Variants in NEMP2 observed in about 807,000 individuals in gnomAD.
NEMP2 encodes UPF0571 transmembrane protein.
In NEMP2, 53 loss-of-function variants were observed where a neutral mutation model predicts 54.2. The ratio of observed to expected loss-of-function variants is 0.98; its 90% CI spans 0.78 to 1.23. NEMP2 has a LOEUF of 1.23. Ranked by LOEUF, NEMP2 falls within the 50% of genes most tolerant of loss-of-function variation. The pLI is 0.00. For missense variants in NEMP2, 455 were observed against 511.3 expected (o/e 0.89, Z 1.06); for synonymous variants, 197 against 190.3 (o/e 1.04, Z -0.29).
At chr2:190,435,228 TTCTCATCTG>T in the NEMP2 span, 1 of 152,246 alleles carries the variant, frequency 6.6e-6, no homozygotes, top group Non-Finnish European at 1.5e-5. Context: ...TGCCTCATTC[TTCTCATCTG>T]TAAAATGGAC....
At chr2:190,503,790 T>A (rs1049066064), downstream of NEMP2, among the ~76,000 whole-genome samples, 5 of 152,000 alleles carry the variant, frequency 3.3e-5, no homozygotes, top group African/African-American at 4.8e-5. The surrounding 1 kb of genome is among the most constrained non-coding windows in gnomAD (Gnocchi z 6.3). Context: ...GGTGCCTAGG[T>A]GGGGACAGAA....
At chr2:190,587,354 C>T in the NEMP2 span, among the ~76,000 whole-genome samples, 1 of 152,158 alleles carries the variant, frequency 6.6e-6, no homozygotes, top group Non-Finnish European at 1.5e-5. The surrounding 1 kb of genome is among the most constrained non-coding windows in gnomAD (Gnocchi z 5.4). Flanking sequence ...GATGATGTCA[C>T]CTGACCCTCT....
the NEMP2 span, among the ~76,000 whole-genome samples, chr2:190,479,229 T>G: frequency 9.8e-5 from 15 of 152,360 alleles, no homozygotes; most frequent in East Asian, 2.1e-3. Context: ...TTTCCCATGA[T>G]CTTTCTCATG....
chr2:190,530,277 G>A lies in NEMP2; in HGVS notation c.97+4282C>T, dbSNP rs1333781400. Among the ~76,000 whole-genome samples, 1 of 152,174 alleles carries A rather than the reference G, an allele frequency of 6.6e-6. No individual in the cohort carries two copies. The highest frequency in any genetic ancestry group is 6.5e-5 in the Admixed American group (1 of 15,280). On this transcript the variant is annotated intron_variant, in intron 1 of 8. Coordinates refer to ENST00000409150, the MANE Select transcript of NEMP2 (RefSeq NM_001142645.2). The surrounding 1 kb of genome is among the most constrained non-coding windows in gnomAD (Gnocchi z 4.6). ...CTCCAGAGTGGCCTCTGGCTTTTGA[G>A]GTGAAGCTGATGTGGAATTTACACA... is the stretch of plus-strand genomic sequence containing the variant.
chr2:190,497,383 T>A, the NEMP2 span: 4 of 1,559,194 alleles, frequency 2.6e-6, no homozygotes, highest in East Asian at 9.0e-5. This position sits in a 1 kb window ranked among gnomAD's most constrained non-coding sequence, Gnocchi z 5.2. Flanking sequence ...TTTTTACCTT[T>A]GTTCAAATAT....
At chr2:190,492,476 G>T in the NEMP2 span, among the ~76,000 whole-genome samples, 1 of 152,146 alleles carries the variant, frequency 6.6e-6, no homozygotes, top group Non-Finnish European at 1.5e-5. The surrounding 1 kb of genome is among the most constrained non-coding windows in gnomAD (Gnocchi z 5.2). Flanking sequence ...AGCTAGAAGG[G>T]ATTGAGGCCC....
At chr2:190,557,305 C>T in the NEMP2 span, among the ~76,000 whole-genome samples, 1 of 152,168 alleles carries the variant, frequency 6.6e-6, no homozygotes, top group African/African-American at 2.4e-5. Flanking sequence ...CCCTTCCTTA[C>T]ACCTTATAAA....
At chr2:190,634,065 C>A in the NEMP2 span, among the ~76,000 whole-genome samples, 6 of 152,110 alleles carry the variant, frequency 3.9e-5, no homozygotes, top group Non-Finnish European at 5.9e-5. This position sits in a 1 kb window ranked among gnomAD's most constrained non-coding sequence, Gnocchi z 6.8. Context: ...AAGCAAGATT[C>A]TGTGTCTTAA....
the NEMP2 span, among the ~76,000 whole-genome samples, chr2:190,616,186 TGAG>T: frequency 6.7e-6 from 1 of 149,456 alleles, no homozygotes; most frequent in Non-Finnish European, 1.5e-5. The surrounding 1 kb of genome is among the most constrained non-coding windows in gnomAD (Gnocchi z 5.1). Flanking sequence ...GTGGATGGAG[TGAG>T]GAGGGATGCT....
the NEMP2 span, chr2:190,648,593 A>G: frequency 6.9e-6 from 1 of 144,692 alleles, no homozygotes; most frequent in Non-Finnish European, 1.5e-5. Flanking sequence ...TTGAAATACT[A>G]TATCGGGAAC....
At chr2:190,500,651 A>G (rs1689982879), downstream of NEMP2, 1 of 156,462 alleles carries the variant, frequency 6.4e-6, no homozygotes, top group African/African-American at 2.4e-5. The surrounding 1 kb of genome is among the most constrained non-coding windows in gnomAD (Gnocchi z 5.3). Context: ...GATAGAATTC[A>G]TCTATACTTT....
chr2:190,618,506 C>T, the NEMP2 span, among the ~76,000 whole-genome samples: 14 of 152,148 alleles, frequency 9.2e-5, no homozygotes, highest in Admixed American at 8.5e-4. Context: ...TCCCGCTCTT[C>T]GACCAAAGAT....
At chr2:190,482,938 G>A in the NEMP2 span, among the ~76,000 whole-genome samples, 1 of 126,162 alleles carries the variant, frequency 7.9e-6, no homozygotes, top group Admixed American at 9.4e-5. Context: ...AGGCCGGACT[G>A]CGGACTGCAG....
downstream of NEMP2, chr2:190,499,764 A>G: frequency 7.0e-7 from 1 of 1,418,454 alleles, no homozygotes. This position sits in a 1 kb window ranked among gnomAD's most constrained non-coding sequence, Gnocchi z 6.0. Flanking sequence ...ACATTTTGGT[A>G]GTAATGTTCC....
At chr2:190,517,154 A>T (rs1451965945) in intron 5 of NEMP2, among the ~76,000 whole-genome samples, 2 of 151,806 alleles carry the variant, frequency 1.3e-5, no homozygotes, top group East Asian at 3.9e-4. Context: ...AAATTCCCAG[A>T]TGTAGCAGTG....
At chr2:190,544,690 A>C in the NEMP2 span, among the ~76,000 whole-genome samples, 1 of 152,188 alleles carries the variant, frequency 6.6e-6, no homozygotes, top group Non-Finnish European at 1.5e-5. Context: ...AAAATAGTAT[A>C]ATCAGTTAAT....
chr2:190,572,858 T>TAC, the NEMP2 span, among the ~76,000 whole-genome samples: 1 of 129,354 alleles, frequency 7.7e-6, no homozygotes, highest in Non-Finnish European at 1.6e-5. Context: ...TATATATATA[T>TAC]ATATATATAT....
chr2:190,568,493 T>C, the NEMP2 span, among the ~76,000 whole-genome samples: 1 of 152,172 alleles, frequency 6.6e-6, no homozygotes, highest in South Asian at 2.1e-4. The surrounding 1 kb of genome is among the most constrained non-coding windows in gnomAD (Gnocchi z 4.7). Context: ...ATGCCTCAGT[T>C]TTGAATAATA....
the NEMP2 span, among the ~76,000 whole-genome samples, chr2:190,633,797 A>T: frequency 2.0e-5 from 3 of 152,238 alleles, no homozygotes; most frequent in Admixed American, 6.5e-5. Context: ...AAGGCCAGGT[A>T]CTGTGGTTCA....
Sources: allele counts gnomAD v4.1 joint callset (sites outside exome capture counted in the v4.1 genomes callset), GRCh38; gene constraint gnomAD v4.1.1; non-coding constraint Gnocchi (gnomAD v3.1); transcripts MANE v1.5; gene names NCBI Gene and HGNC (gene_info 2026-07-23, HGNC 2026-07-21).